The following ARHGAP28 variants were observed in gnomAD, a reference collection of about 807,000 sequenced individuals.
ARHGAP28 encodes Rho GTPase activating protein 28, also known as rho GTPase-activating protein 28.
In ARHGAP28, 56 loss-of-function variants were observed where a neutral mutation model predicts 90.7. The observed-to-expected ratio is 0.62, with a 90% CI of 0.50 to 0.77. The LOEUF is 0.77. Ranked by LOEUF, ARHGAP28 falls within the 30% of genes least tolerant of loss-of-function variation. ARHGAP28 has a pLI of 0.00. For synonymous variants in ARHGAP28, 308 were observed against 323.3 expected (o/e 0.95, Z 0.51); for missense variants, 869 against 900.9 (o/e 0.96, Z 0.45).
intron 16 of ARHGAP28, chr18:6,898,471 T>G: frequency 1.2e-6 from 2 of 1,613,824 alleles, no homozygotes; most frequent in Non-Finnish European, 1.7e-6. Flanking sequence ...CTTTCCTTCC[T>G]AAATGGAAAA....
At chr18:6,801,793 T>G (rs76022010) in intron 1 of ARHGAP28, among the ~76,000 whole-genome samples, 1,912 of 152,236 alleles carry the variant, frequency 0.013, 26 homozygotes, top group African/African-American at 0.039. Context: ...CTTAGCTATA[T>G]TGAGATGTAT....
intron 5 of ARHGAP28, among the ~76,000 whole-genome samples, chr18:6,863,208 T>C (rs1252984635): frequency 2.0e-5 from 3 of 152,032 alleles, no homozygotes; most frequent in African/African-American, 7.2e-5. Flanking sequence ...ATTTTTCTTA[T>C]GAATTCTTCT....
intron 11 of ARHGAP28, 90 bp downstream of exon 11, chr18:6,882,389 G>GTA: frequency 7.6e-7 from 1 of 1,316,294 alleles, no homozygotes; most frequent in Non-Finnish European, 1.0e-6. Flanking sequence ...ATGTGCTCAT[G>GTA]TATAGATTTG....
chr18:6,780,557 C>A (rs184477756), intron 1 of ARHGAP28, among the ~76,000 whole-genome samples: 1 of 152,000 alleles, frequency 6.6e-6, no homozygotes, highest in East Asian at 1.9e-4. Flanking sequence ...CTGAGGGATG[C>A]CTGTATAACA....
At chr18:6,873,065 T>G (rs1170388938) in intron 7 of ARHGAP28, among the ~76,000 whole-genome samples, 2 of 152,190 alleles carry the variant, frequency 1.3e-5, no homozygotes, top group African/African-American at 4.8e-5. Context: ...TGTGTCACAT[T>G]TATTCCAATT....
intron 13 of ARHGAP28, 36 bp downstream of exon 13, chr18:6,890,121 G>A (rs2057253179): frequency 6.2e-7 from 1 of 1,608,990 alleles, no homozygotes; most frequent in Non-Finnish European, 8.5e-7. Flanking sequence ...CCCCTCAGAA[G>A]TCCATGTCCC....
Position 6,906,146 on chromosome 18 carries a change from A to G in ARHGAP28, c.2031-2814A>G, listed in dbSNP as rs540756113. 1.2e-4 allele frequency among the ~76,000 whole-genome samples: 18 copies of G among 152,340 alleles called. No homozygotes were observed. The East Asian group carries it at 1.7e-3, about 15-fold the overall frequency. On this transcript the variant is annotated intron_variant, in intron 16 of 17. Coordinates refer to ENST00000383472, the MANE Select transcript of ARHGAP28 (RefSeq NM_001366230.1). ...TTTACTAGATATTAAGGCTGATTAT[A>G]TAAAAGGTAGAATAATCAAGATAGT...
chr18:6,757,915 G>A (rs897639132), intron 1 of ARHGAP28, among the ~76,000 whole-genome samples: 2 of 152,140 alleles, frequency 1.3e-5, no homozygotes, highest in Non-Finnish European at 2.9e-5. Context: ...AATGAGCTCT[G>A]CCCTTAGATT....
chr18:6,826,130 T>TC, intron 2 of ARHGAP28, among the ~76,000 whole-genome samples: 1 of 151,656 alleles, frequency 6.6e-6, no homozygotes, highest in Non-Finnish European at 1.5e-5. Flanking sequence ...TTTTTTTTTT[T>TC]TTCTGTTTGT....
intron 1 of ARHGAP28, among the ~76,000 whole-genome samples, chr18:6,745,599 C>T (rs926956553): frequency 6.6e-6 from 1 of 152,196 alleles, no homozygotes; most frequent in Non-Finnish European, 1.5e-5. Context: ...ACATCTCCCT[C>T]GCCCCAGACA....
chr18:6,872,197 T>G (rs1056677413), intron 7 of ARHGAP28, among the ~76,000 whole-genome samples: 7 of 152,206 alleles, frequency 4.6e-5, no homozygotes, highest in Non-Finnish European at 1.0e-4. Context: ...CAGCTCCTTC[T>G]GAGGTTTGGC....
intron 3 of ARHGAP28, among the ~76,000 whole-genome samples, chr18:6,839,595 C>T (rs539331622): frequency 8.5e-5 from 13 of 152,286 alleles, no homozygotes; most frequent in South Asian, 2.1e-4. Context: ...CTGCGCCCGG[C>T]CATAATTTTT....
At chr18:6,730,012 G>A in intron 1 of ARHGAP28, 69 bp downstream of exon 1, 1 of 1,281,358 alleles carries the variant, frequency 7.8e-7, no homozygotes, top group East Asian at 3.2e-5. Context: ...GTGCAGCTGC[G>A]CCTTGTGCCT....
intron 1 of ARHGAP28, among the ~76,000 whole-genome samples, chr18:6,738,677 T>G (rs1337391389): frequency 6.6e-6 from 1 of 152,194 alleles, no homozygotes; most frequent in Non-Finnish European, 1.5e-5. Context: ...CCTCTCACCC[T>G]CACTACAACA....
intron 1 of ARHGAP28, among the ~76,000 whole-genome samples, chr18:6,794,243 C>A (rs1053167172): frequency 6.6e-6 from 1 of 152,230 alleles, no homozygotes; most frequent in African/African-American, 2.4e-5. Flanking sequence ...CAGACTACCA[C>A]ATTTTGTTCT....
chr18:6,771,019 C>T (rs1365273990), intron 1 of ARHGAP28, among the ~76,000 whole-genome samples: 2 of 151,934 alleles, frequency 1.3e-5, no homozygotes, highest in African/African-American at 4.8e-5. Context: ...AACTTTAAAT[C>T]TTTTTTTGTT....
intron 9 of ARHGAP28, 34 bp downstream of exon 9, chr18:6,873,809 G>C: frequency 6.4e-7 from 1 of 1,556,404 alleles, no homozygotes; most frequent in Non-Finnish European, 8.8e-7. Flanking sequence ...GGAATTCACA[G>C]AGCCTCATGC....
At chr18:6,852,725 C>T (rs775647347) in intron 4 of ARHGAP28, among the ~76,000 whole-genome samples, 5 of 152,122 alleles carry the variant, frequency 3.3e-5, no homozygotes, top group South Asian at 2.1e-4. Flanking sequence ...TAGGAGGCTC[C>T]GATACCTTCT....
intron 1 of ARHGAP28, among the ~76,000 whole-genome samples, chr18:6,732,283 G>A (rs530777190): frequency 6.6e-6 from 1 of 152,170 alleles, no homozygotes; most frequent in Admixed American, 6.5e-5. Flanking sequence ...AAAATGGTGG[G>A]ATTTTTAACT....
Sources: allele counts gnomAD v4.1 joint callset (sites outside exome capture counted in the v4.1 genomes callset), GRCh38; gene constraint gnomAD v4.1.1; transcripts MANE v1.5; gene names NCBI Gene and HGNC (gene_info 2026-07-23, HGNC 2026-07-21).